Variants in ANK3 observed in about 807,000 individuals in gnomAD.
ANK3 encodes the protein ankyrin-3.
In ANK3, 57 loss-of-function variants were observed where a neutral mutation model predicts 370.9. The observed-to-expected ratio is 0.15, with a 90% confidence interval of 0.12 to 0.19. The LOEUF is 0.19. ANK3 is among the 10% of genes least tolerant of loss of function. ANK3 has a pLI of 1.00. For synonymous variants in ANK3, 1,929 were observed against 1,946.3 expected, an observed-to-expected ratio of 0.99 and a Z score of 0.23; for missense variants, 4,439 against 5,302.1, an observed-to-expected ratio of 0.84 and a Z score of 5.06.
chr10:60,560,084 T>C (rs370162462), intron 2 of ANK3, among the ~76,000 whole-genome samples: 1 of 151,834 alleles, frequency 6.6e-6, no homozygotes, highest in East Asian at 1.9e-4. Flanking sequence ...GAGAGAGAGA[T>C]AGAAAAATAT....
chr10:60,311,814 T>C (rs2046415613), intron 1 of ANK3, among the ~76,000 whole-genome samples: 2 of 152,224 alleles, frequency 1.3e-5, no homozygotes, highest in Admixed American at 1.3e-4. Flanking sequence ...TATTGCCTCC[T>C]GAGAGGGGCT....
At chr10:60,192,459 T>C (rs979806975) in intron 16 of ANK3, among the ~76,000 whole-genome samples, 2 of 151,268 alleles carry the variant, frequency 1.3e-5, no homozygotes, top group Non-Finnish European at 2.9e-5. Context: ...TATGTGCGTG[T>C]ATACATATAT....
At chr10:60,141,399 G>A (rs1195826532) in intron 23 of ANK3, among the ~76,000 whole-genome samples, 1 of 151,926 alleles carries the variant, frequency 6.6e-6, no homozygotes, top group Non-Finnish European at 1.5e-5. Flanking sequence ...TAGGAGGCAG[G>A]ACTGAGGTCT....
chr10:60,645,915 C>T (rs2078704048), intron 1 of ANK3, among the ~76,000 whole-genome samples: 1 of 152,050 alleles, frequency 6.6e-6, no homozygotes, highest in African/African-American at 2.4e-5. Context: ...TAGGAGGGTA[C>T]ACATGGTTAC....
At chr10:60,213,349 G>C in intron 9 of ANK3, 63 bp downstream of exon 9, 1 of 1,138,694 alleles carries the variant, frequency 8.8e-7, no homozygotes, top group South Asian at 1.3e-5. Flanking sequence ...GATTCAAAAG[G>C]CTAGATCATA....
chr10:60,204,229 CA>C (rs2096727138), intron 11 of ANK3, among the ~76,000 whole-genome samples: 1 of 152,084 alleles, frequency 6.6e-6, no homozygotes, highest in South Asian at 2.1e-4. Context: ...TTTCCATCAG[CA>C]GGGGGAGTAG....
intron 8 of ANK3, among the ~76,000 whole-genome samples, chr10:60,222,475 C>T (rs1188127072): frequency 6.6e-6 from 1 of 151,676 alleles, no homozygotes; most frequent in East Asian, 1.9e-4. Flanking sequence ...CACTTCACTC[C>T]ACTTTTTGGT....
At chr10:60,474,001 T>C (rs980706082) in intron 2 of ANK3, among the ~76,000 whole-genome samples, 1 of 141,284 alleles carries the variant, frequency 7.1e-6, no homozygotes, top group African/African-American at 2.7e-5. Flanking sequence ...AGCATGGTGG[T>C]GCACACCTGT....
intron 2 of ANK3, among the ~76,000 whole-genome samples, chr10:60,539,027 T>C (rs2076786818): frequency 6.6e-6 from 1 of 151,770 alleles, no homozygotes; most frequent in South Asian, 2.1e-4. Flanking sequence ...GAATAAGTAG[T>C]AATAAAAGCC....
intron 1 of ANK3, among the ~76,000 whole-genome samples, chr10:60,628,643 G>A (rs1213250021): frequency 1.3e-5 from 2 of 152,130 alleles, no homozygotes; most frequent in East Asian, 3.8e-4. Context: ...CCAACATCAT[G>A]TATTGCCACA....
chr10:60,434,355 A>G (rs1056806898), intron 2 of ANK3, among the ~76,000 whole-genome samples: 1 of 152,236 alleles, frequency 6.6e-6, no homozygotes, highest in African/African-American at 2.4e-5. Flanking sequence ...ATTATACTAT[A>G]GGTAATTAGA....
chr10:60,620,439 C>T (rs1182850093), intron 1 of ANK3, among the ~76,000 whole-genome samples: 2 of 152,126 alleles, frequency 1.3e-5, no homozygotes, highest in Non-Finnish European at 2.9e-5. Flanking sequence ...GAGGCAGGTA[C>T]TTTTATTACC....
chr10:60,407,477 G>A (rs1244488702), intron 2 of ANK3, among the ~76,000 whole-genome samples: 1 of 152,174 alleles, frequency 6.6e-6, no homozygotes, highest in Non-Finnish European at 1.5e-5. Context: ...TACAAGGGAA[G>A]AGATATCTTC....
intron 1 of ANK3, among the ~76,000 whole-genome samples, chr10:60,380,581 T>C (rs375474053): frequency 4.6e-5 from 7 of 152,160 alleles, no homozygotes; most frequent in African/African-American, 1.7e-4. Flanking sequence ...ATGATCTACG[T>C]CATGCATGTG....
intron 8 of ANK3, among the ~76,000 whole-genome samples, chr10:60,228,198 G>A (rs2097191977): frequency 6.6e-6 from 1 of 152,116 alleles, no homozygotes; most frequent in Admixed American, 6.5e-5. Flanking sequence ...ATACATGAGA[G>A]AATTCTTGAC....
At chr10:60,327,504 C>A (rs867269412) in intron 1 of ANK3, among the ~76,000 whole-genome samples, 3 of 152,172 alleles carry the variant, frequency 2.0e-5, no homozygotes, top group Non-Finnish European at 2.9e-5. Context: ...TCTCCTTATA[C>A]CGCAGTAAAA....
At chr10:60,236,838 C>T (rs1456771215) in intron 7 of ANK3, among the ~76,000 whole-genome samples, 1 of 152,242 alleles carries the variant, frequency 6.6e-6, no homozygotes, top group Admixed American at 6.5e-5. Context: ...CAAAGGGCCA[C>T]ATGGCAAATA....
chr10:60,684,395 G>A, intron 1 of ANK3: 1 of 608,904 alleles, frequency 1.6e-6, no homozygotes, highest in Non-Finnish European at 2.7e-6. Context: ...GTTGAGTGAA[G>A]GGGAGGGAAG....
intron 33 of ANK3, among the ~76,000 whole-genome samples, chr10:60,083,184 C>G (rs1564880177): frequency 6.6e-6 from 1 of 152,138 alleles, no homozygotes; most frequent in African/African-American, 2.4e-5. Context: ...TGCATTTCAT[C>G]CATTATTTGA....
Sources: gnomAD v4.1 joint callset for allele counts (sites outside exome capture counted in the v4.1 genomes callset) on GRCh38, gnomAD v4.1.1 for gene constraint, MANE v1.5 for transcripts, NCBI Gene and HGNC (gene_info 2026-07-23, HGNC 2026-07-21) for gene names.